FANCC: variants seen among roughly 807,000 people sequenced by gnomAD.
The protein encoded by FANCC is FA complementation group C.
Under a neutral mutation model 71.3 loss-of-function variants are expected in FANCC, and 55 were observed. The observed-to-expected ratio is 0.77, with a 90% CI of 0.62 to 0.97. FANCC has a LOEUF of 0.97. Among genes scored for constraint, FANCC ranks in the 50% least tolerant of loss-of-function variants. FANCC has a pLI of 0.00. For missense variants in FANCC, 678 were observed against 670.9 expected (o/e 1.01, Z -0.12); for synonymous variants, 275 against 244.9 (o/e 1.12, Z -1.15).
At position 95,198,382 on chromosome 9, in the gene FANCC, C is replaced by T. The variant is rs140717436; in HGVS notation, c.346-26235G>A. On this transcript the variant is annotated intron_variant, in intron 4 of 14. Transcript: ENST00000289081. The stretch of plus-strand genomic sequence containing the variant: ...ATTTTCAGACGTTCCACTGTATCAT[C>T]ATGTATGTGGAACCTTCTTTTAGAG... Among the ~76,000 whole-genome samples the T allele has an allele frequency of 6.8e-4, 103 of 152,332 alleles. 2 individuals carry two copies. In the East Asian group the frequency reaches 0.02, roughly 29 times the overall value.
chr9:95,283,717 CTTAA>C (rs1336238197), intron 1 of FANCC, among the ~76,000 whole-genome samples: 9 of 152,226 alleles, frequency 5.9e-5, no homozygotes, highest in Admixed American at 3.9e-4. Context: ...ATGGTAGCAG[CTTAA>C]TTATTTCAAG....
At chr9:95,238,904 A>C (rs1227340304) in intron 4 of FANCC, among the ~76,000 whole-genome samples, 1 of 152,142 alleles carries the variant, frequency 6.6e-6, no homozygotes. Context: ...CACTGTCATC[A>C]AGATAAAAAC....
chr9:95,137,343 G>A (rs1215602793), intron 7 of FANCC, among the ~76,000 whole-genome samples: 1 of 152,144 alleles, frequency 6.6e-6, no homozygotes, highest in Non-Finnish European at 1.5e-5. Flanking sequence ...AAGACCCGGG[G>A]AGACTGCGGA....
At chr9:95,268,829 G>A (rs1832552174) in intron 1 of FANCC, among the ~76,000 whole-genome samples, 1 of 152,180 alleles carries the variant, frequency 6.6e-6, no homozygotes, top group Non-Finnish European at 1.5e-5. Flanking sequence ...CCAGCCATGT[G>A]ATGCCCTCCA....
chr9:95,123,444 A>G, intron 10 of FANCC: 1 of 459,574 alleles, frequency 2.2e-6, no homozygotes, highest in African/African-American at 2.0e-5. Flanking sequence ...GGTTGAGACC[A>G]GCCCGGGCAA....
At chr9:95,310,155 G>A (rs1343105399) in intron 1 of FANCC, among the ~76,000 whole-genome samples, 1 of 152,142 alleles carries the variant, frequency 6.6e-6, no homozygotes, top group South Asian at 2.1e-4. Flanking sequence ...TTGAGGCTGG[G>A]AGTTCAAGAC....
chr9:95,271,638 A>G (rs553786342), intron 1 of FANCC, among the ~76,000 whole-genome samples: 20 of 152,322 alleles, frequency 1.3e-4, no homozygotes, highest in Middle Eastern at 3.4e-3. Flanking sequence ...TTGCTATAAC[A>G]GCTTCGGGAA....
chr9:95,291,964 AAAAATATATAT>A (rs1156886400), intron 1 of FANCC, among the ~76,000 whole-genome samples: 1 of 106,704 alleles, frequency 9.4e-6, no homozygotes, highest in East Asian at 2.7e-4. Context: ...AAAAAAAAAA[AAAAATATATAT>A]ATATATATAT....
chr9:95,180,339 C>CTTT (rs34697587), intron 4 of FANCC, among the ~76,000 whole-genome samples: 68 of 82,162 alleles, frequency 8.3e-4, no homozygotes, highest in Non-Finnish European at 9.8e-4. Flanking sequence ...ACAGTTAACT[C>CTTT]TTTTTTTTTT....
chr9:95,242,164 C>T (rs1271187854), intron 3 of FANCC, among the ~76,000 whole-genome samples: 5 of 152,028 alleles, frequency 3.3e-5, no homozygotes, highest in Non-Finnish European at 7.4e-5. Flanking sequence ...TATTCTGAGG[C>T]CATTCATTTT....
intron 11 of FANCC, among the ~76,000 whole-genome samples, chr9:95,115,847 G>A (rs1208000512): frequency 6.6e-6 from 1 of 152,114 alleles, no homozygotes; most frequent in South Asian, 2.1e-4. Context: ...CACTTGTAGT[G>A]TCTACACAGT....
At chr9:95,271,528 C>T (rs1216066079) in intron 1 of FANCC, among the ~76,000 whole-genome samples, 1 of 152,136 alleles carries the variant, frequency 6.6e-6, no homozygotes. Context: ...AGGAAGGTGT[C>T]CCCAGAGGGA....
intron 1 of FANCC, among the ~76,000 whole-genome samples, chr9:95,265,389 T>C (rs1280852255): frequency 6.6e-6 from 1 of 152,140 alleles, no homozygotes; most frequent in Non-Finnish European, 1.5e-5. Flanking sequence ...GGAGAGGAGC[T>C]ATTCTCTGGA....
intron 4 of FANCC, among the ~76,000 whole-genome samples, chr9:95,199,192 C>T (rs1375163231): frequency 6.6e-6 from 1 of 152,142 alleles, no homozygotes; most frequent in Non-Finnish European, 1.5e-5. Context: ...ATCCTTAAAA[C>T]AATCTGTTCC....
chr9:95,298,232 A>AT (rs374071610), intron 1 of FANCC, among the ~76,000 whole-genome samples: 3 of 152,182 alleles, frequency 2.0e-5, no homozygotes, highest in Non-Finnish European at 4.4e-5. Context: ...AGTAAAAAAA[A>AT]GGAATAGAGA....
chr9:95,110,660 A>G, intron 13 of FANCC: 1 of 1,048,370 alleles, frequency 9.5e-7, no homozygotes, highest in Non-Finnish European at 1.2e-6. Flanking sequence ...GTGTTTTCAA[A>G]CAACAGAAAA....
chr9:95,113,888 C>T (rs1274093407), intron 12 of FANCC: 1 of 152,904 alleles, frequency 6.5e-6, no homozygotes, highest in Non-Finnish European at 1.5e-5. Context: ...TCCCCAAGTG[C>T]TGGGATTACA....
chr9:95,159,154 G>A (rs1048026566), intron 6 of FANCC, among the ~76,000 whole-genome samples: 2 of 152,018 alleles, frequency 1.3e-5, no homozygotes, highest in Non-Finnish European at 2.9e-5. Flanking sequence ...TTTACATTGG[G>A]TATTTCTCCT....
At chr9:95,250,761 C>G (rs1359007242) in intron 1 of FANCC, among the ~76,000 whole-genome samples, 2 of 152,252 alleles carry the variant, frequency 1.3e-5, no homozygotes, top group Non-Finnish European at 2.9e-5. Flanking sequence ...CTCATTGCCA[C>G]CCCTCAGCCT....
Sources: allele counts gnomAD v4.1 joint callset (sites outside exome capture counted in the v4.1 genomes callset), GRCh38; gene constraint gnomAD v4.1.1; transcripts MANE v1.5; gene names NCBI Gene and HGNC (gene_info 2026-07-23, HGNC 2026-07-21).